Variants in GABRA5 observed in about 807,000 individuals in gnomAD.
The protein encoded by GABRA5 is gamma-aminobutyric acid type A receptor subunit alpha5.
In GABRA5, 18 loss-of-function variants were observed where a neutral mutation model predicts 47.3. That is an observed-to-expected ratio of 0.38 (90% CI 0.26 to 0.56). GABRA5 has a LOEUF of 0.56. Ranked by LOEUF, GABRA5 falls within the 20% of genes least tolerant of loss-of-function variation. The pLI is 0.71. For synonymous variants in GABRA5, 237 were observed against 229.3 expected, an observed-to-expected ratio of 1.03 and a Z score of -0.30; for missense variants, 365 against 599.3, an observed-to-expected ratio of 0.61 and a Z score of 4.08.
intron 7 of GABRA5, among the ~76,000 whole-genome samples, chr15:26,923,758 A>G (rs936613317): frequency 1.3e-5 from 2 of 151,750 alleles, no homozygotes; most frequent in African/African-American, 4.8e-5. Flanking sequence ...TTACACTGTC[A>G]TTTTCATCTA....
At chr15:26,882,379 T>C (rs563960341) in intron 4 of GABRA5, among the ~76,000 whole-genome samples, 1 of 152,152 alleles carries the variant, frequency 6.6e-6, no homozygotes, top group Admixed American at 6.5e-5. Context: ...ATGCAGACGA[T>C]CATCACACCG....
intron 6 of GABRA5, among the ~76,000 whole-genome samples, chr15:26,886,015 CTGTTGTTGT>C (rs79858293): frequency 2.0e-5 from 3 of 151,082 alleles, no homozygotes; most frequent in Non-Finnish European, 4.4e-5. Context: ...ATGCAGTTTG[CTGTTGTTGT>C]TGTTGTTGTT....
intron 6 of GABRA5, among the ~76,000 whole-genome samples, chr15:26,891,453 A>G (rs192822815): frequency 1.2e-4 from 18 of 152,282 alleles, no homozygotes; most frequent in African/African-American, 4.1e-4. Flanking sequence ...CCCTATTTGC[A>G]TAGATAGAAT....
intron 7 of GABRA5, among the ~76,000 whole-genome samples, chr15:26,930,082 C>T (rs1292466257): frequency 6.0e-5 from 9 of 148,830 alleles, no homozygotes; most frequent in African/African-American, 2.0e-4. Context: ...TGCAATGGCA[C>T]GATCACTGCA....
intron 8 of GABRA5, chr15:26,939,640 G>T: frequency 1.7e-6 from 1 of 599,168 alleles, no homozygotes; most frequent in Non-Finnish European, 3.0e-6. Context: ...GGGGAGAGAG[G>T]CACAGATTGT....
intron 7 of GABRA5, among the ~76,000 whole-genome samples, chr15:26,936,700 T>C (rs1894251893): frequency 6.6e-6 from 1 of 152,136 alleles, no homozygotes; most frequent in South Asian, 2.1e-4. Context: ...AGTGGAAGGC[T>C]TGGAGTAGGG....
At chr15:26,881,450 T>A (rs573067206) in intron 4 of GABRA5, among the ~76,000 whole-genome samples, 1 of 152,344 alleles carries the variant, frequency 6.6e-6, no homozygotes, top group African/African-American at 2.4e-5. Flanking sequence ...AGTGCTTCAC[T>A]ATGGCCATAG....
chr15:26,888,749 C>T (rs961575623), intron 6 of GABRA5, among the ~76,000 whole-genome samples: 15 of 152,232 alleles, frequency 9.9e-5, no homozygotes, highest in African/African-American at 3.6e-4. Flanking sequence ...GGCTCCCTTT[C>T]ATCTGCCATC....
At chr15:26,897,403 G>A (rs1206646772) in intron 6 of GABRA5, among the ~76,000 whole-genome samples, 2 of 152,098 alleles carry the variant, frequency 1.3e-5, no homozygotes, top group Non-Finnish European at 2.9e-5. Context: ...CAAGCACAGA[G>A]GCCTCAGAAA....
At chr15:26,933,056 C>G (rs1375511002) in intron 7 of GABRA5, among the ~76,000 whole-genome samples, 1 of 151,180 alleles carries the variant, frequency 6.6e-6, no homozygotes, top group Non-Finnish European at 1.5e-5. Flanking sequence ...ACATGTTTGC[C>G]TATGTAACAA....
Position 26,949,086 on chromosome 15 carries a change from ATTGAG to A in GABRA5, c.*856_*860del, listed in dbSNP as rs1339265168. On this transcript the variant is annotated 3_prime_UTR_variant, in exon 11 of 11. Coordinates refer to ENST00000335625, the MANE Select transcript of GABRA5 (RefSeq NM_000810.4). ...AGTGCTTCAGTGGTGAGAAATTGTAATTGAGTTATTTTCCATTTTATTTCCTTGTA... is the reference window on the plus strand; with the variant it reads ...AGTGCTTCAGTGGTGAGAAATTGTAATTATTTTCCATTTTATTTCCTTGTA... 11 of 152,276 alleles carry A rather than the reference ATTGAG, an allele frequency of 7.2e-5. No homozygotes were observed. The East Asian group carries it at 7.7e-4, about 11-fold the overall frequency. 9.4% of individuals were successfully genotyped at this position (152,276 alleles called of 1,614,324 possible).
At chr15:26,895,869 GTT>G (rs963463883) in intron 6 of GABRA5, among the ~76,000 whole-genome samples, 2 of 150,922 alleles carry the variant, frequency 1.3e-5, no homozygotes, top group African/African-American at 4.9e-5. Flanking sequence ...AGTGAAAAGA[GTT>G]TTTTTCACAG....
At chr15:26,869,610 T>C (rs969835505) in intron 3 of GABRA5, among the ~76,000 whole-genome samples, 2 of 152,242 alleles carry the variant, frequency 1.3e-5, no homozygotes, top group Non-Finnish European at 2.9e-5. Context: ...CCGAGTCAGC[T>C]GTGATTCTTC....
Position 26,883,363 on chromosome 15 carries a change from A to G in GABRA5, c.303A>G (p.Arg101=), listed in dbSNP as rs201750882. 46 of 1,613,984 alleles carry G rather than the reference A, an allele frequency of 2.9e-5. No individual in the cohort carries two copies. The highest frequency in any genetic ancestry group is 3.8e-5 in the Non-Finnish European group (45 of 1,179,868). The change falls in exon 6 of 11, where the codon CGA becomes CGG. Residue 101 remains arginine (R), a synonymous_variant. Coordinates refer to ENST00000335625, the MANE Select transcript of GABRA5 (RefSeq NM_000810.4). The surrounding 1 kb of genome is among the most constrained non-coding windows in gnomAD (Gnocchi z 4.8). The part of the protein sequence containing the change: ...EMEYTIDVFF[R]QSWKDERLRF... ...AGTACACCATAGACGTGTTTTTCCG[A>G]CAAAGCTGGAAAGATGAAAGGCTTC... is the stretch of plus-strand genomic sequence containing the variant.
intron 6 of GABRA5, among the ~76,000 whole-genome samples, chr15:26,890,529 G>A (rs1892981645): frequency 6.7e-6 from 1 of 149,296 alleles, no homozygotes; most frequent in South Asian, 2.1e-4. Context: ...CATGGAGCCT[G>A]CCTGGGACAC....
At chr15:26,870,934 G>A (rs1330395215) in intron 3 of GABRA5, among the ~76,000 whole-genome samples, 1 of 152,232 alleles carries the variant, frequency 6.6e-6, no homozygotes, top group Non-Finnish European at 1.5e-5. Context: ...GCTCATGCTT[G>A]TAATCCCAGC....
chr15:26,907,011 G>A (rs1458731612), intron 6 of GABRA5, among the ~76,000 whole-genome samples: 1 of 152,184 alleles, frequency 6.6e-6, no homozygotes, highest in African/African-American at 2.4e-5. Context: ...AAAGAGGAAT[G>A]AGGATCCTAA....
At chr15:26,890,426 A>ATTT (rs201726196) in intron 6 of GABRA5, among the ~76,000 whole-genome samples, 10 of 128,590 alleles carry the variant, frequency 7.8e-5, no homozygotes, top group African/African-American at 1.3e-4. Context: ...AGTCACTTCA[A>ATTT]TTTTTTTTTT....
At chr15:26,899,424 TAG>T (rs1893273572) in intron 6 of GABRA5, among the ~76,000 whole-genome samples, 1 of 152,204 alleles carries the variant, frequency 6.6e-6, no homozygotes, top group Non-Finnish European at 1.5e-5. Context: ...TTTTGTTGGA[TAG>T]AGTGTTCTAT....
Sources: gnomAD v4.1 joint callset for allele counts (sites outside exome capture counted in the v4.1 genomes callset) on GRCh38, gnomAD v4.1.1 for gene constraint, Gnocchi (gnomAD v3.1) non-coding constraint, MANE v1.5 for transcripts, NCBI Gene and HGNC (gene_info 2026-07-23, HGNC 2026-07-21) for gene names.